The following GRIK2 variants were observed in gnomAD, a reference collection of about 807,000 sequenced individuals.
GRIK2 encodes the protein glutamate receptor ionotropic, kainate 2.
Under a neutral mutation model 100.3 loss-of-function variants are expected in GRIK2, and 32 were observed. That is an observed-to-expected ratio of 0.32 (90% CI 0.24 to 0.43). GRIK2 has a LOEUF of 0.43. GRIK2 is among the 20% of genes least tolerant of loss of function. The pLI is 1.00. For synonymous variants in GRIK2, 417 were observed against 389.4 expected (o/e 1.07, Z -0.83); for missense variants, 843 against 1,114.9 (o/e 0.76, Z 3.47).
chr6:101,399,564 T>C (rs1419518059), intron 2 of GRIK2, among the ~76,000 whole-genome samples, 172 bp downstream of exon 2: 3 of 152,240 alleles, frequency 2.0e-5, no homozygotes, highest in Middle Eastern at 3.4e-3. Flanking sequence ...TTCTCTTCTT[T>C]ATTTTTATTT....
At chr6:101,715,124 A>G (rs913126203) in intron 7 of GRIK2, among the ~76,000 whole-genome samples, 9 of 151,838 alleles carry the variant, frequency 5.9e-5, no homozygotes, top group African/African-American at 2.2e-4. Flanking sequence ...AGAAATGTTC[A>G]TAAAGATTAT....
intron 2 of GRIK2, among the ~76,000 whole-genome samples, chr6:101,496,537 T>C (rs951754110): frequency 6.6e-6 from 1 of 152,194 alleles, no homozygotes; most frequent in Non-Finnish European, 1.5e-5. Flanking sequence ...ATGCATGATA[T>C]ATATTTTGTC....
intron 14 of GRIK2, among the ~76,000 whole-genome samples, chr6:101,966,856 G>A (rs1049892027): frequency 6.6e-6 from 1 of 151,898 alleles, no homozygotes; most frequent in Non-Finnish European, 1.5e-5. Flanking sequence ...ATACTCTCCA[G>A]TACTTGTTAT....
rs755330153 is a variant in GRIK2, at chr6:101,909,386, T to TGTTTTTTTG, written c.1749-15215_1749-15214insGTTTTTTTG. 1.1e-4 allele frequency among the ~76,000 whole-genome samples: 15 copies of TGTTTTTTTG among 138,796 alleles called. 1 individual carries two copies. Among genetic ancestry groups the TGTTTTTTTG allele is most frequent in the Admixed American group, 5.7e-4 (8 of 13,944 alleles). The allele number at this position is 138,796 out of a possible 152,430, so 91.1% of individuals were successfully genotyped here. A position where few individuals can be genotyped will look rare whatever the true frequency, so the allele number is the denominator to read the frequency against. ...GGAAGATAGGGTTTTCTTTTTCTTTTTTTTTTTTTTAAAGATCATTTGGGA... is the reference window on the plus strand; with the variant it reads ...GGAAGATAGGGTTTTCTTTTTCTTTTGTTTTTTTGTTTTTTTTTTAAAGATCATTTGGGA... On this transcript the variant is annotated intron_variant, in intron 12 of 16. Coordinates refer to ENST00000369134, the MANE Select transcript of GRIK2 (RefSeq NM_021956.5).
chr6:101,541,728 G>T (rs925974804), intron 2 of GRIK2, among the ~76,000 whole-genome samples: 1 of 151,236 alleles, frequency 6.6e-6, no homozygotes, highest in South Asian at 2.1e-4. Context: ...AGATACGAGG[G>T]ATGCAATTTA....
chr6:101,955,122 T>A (rs1791833054), intron 14 of GRIK2, among the ~76,000 whole-genome samples: 1 of 152,216 alleles, frequency 6.6e-6, no homozygotes, highest in Admixed American at 6.5e-5. Context: ...TGATACATTT[T>A]GCATCTATAT....
intron 12 of GRIK2, among the ~76,000 whole-genome samples, chr6:101,899,310 A>G (rs1010873728): frequency 6.6e-6 from 1 of 151,856 alleles, no homozygotes; most frequent in Non-Finnish European, 1.5e-5. Flanking sequence ...ATGAAAATAT[A>G]AAGTTATCTC....
chr6:101,496,267 AAAAAT>A (rs1773440059), intron 2 of GRIK2, among the ~76,000 whole-genome samples: 2 of 151,972 alleles, frequency 1.3e-5, no homozygotes, highest in Admixed American at 6.6e-5. Flanking sequence ...CCTAAAGAAA[AAAAAT>A]AAAATAACAC....
chr6:101,453,702 T>C (rs905577672), intron 2 of GRIK2, among the ~76,000 whole-genome samples: 5 of 152,070 alleles, frequency 3.3e-5, no homozygotes, highest in Admixed American at 2.0e-4. Flanking sequence ...TTTCTTGAAA[T>C]GTCAATTGGA....
intron 14 of GRIK2, among the ~76,000 whole-genome samples, chr6:102,012,576 T>A (rs1317359744): frequency 6.6e-6 from 1 of 152,224 alleles, no homozygotes; most frequent in Non-Finnish European, 1.5e-5. Flanking sequence ...TTTTGTGAGA[T>A]TTATACCTAA....
intron 4 of GRIK2, among the ~76,000 whole-genome samples, chr6:101,667,450 T>C (rs558241418): frequency 6.6e-6 from 1 of 152,316 alleles, no homozygotes; most frequent in East Asian, 1.9e-4. Context: ...CACATGTACA[T>C]GTATTAAGTG....
intron 2 of GRIK2, among the ~76,000 whole-genome samples, chr6:101,546,886 A>C (rs1290845647): frequency 1.8e-5 from 2 of 113,910 alleles, no homozygotes; most frequent in African/African-American, 7.1e-5. Context: ...GCTGGAGTGC[A>C]GTGGCGGGAT....
intron 9 of GRIK2, among the ~76,000 whole-genome samples, chr6:101,813,907 T>C (rs1382640286): frequency 6.7e-6 from 1 of 150,360 alleles, no homozygotes; most frequent in East Asian, 2.0e-4. Flanking sequence ...GAGGTTGCAG[T>C]GAGCCGACAT....
At chr6:101,858,405 T>C (rs1472530741) in intron 10 of GRIK2, among the ~76,000 whole-genome samples, 1 of 148,150 alleles carries the variant, frequency 6.7e-6, no homozygotes, top group Non-Finnish European at 1.5e-5. Context: ...TTTTTTTTTT[T>C]GAGACGGAGT....
intron 4 of GRIK2, among the ~76,000 whole-genome samples, chr6:101,644,793 A>G (rs1358567240): frequency 3.3e-5 from 5 of 151,900 alleles, no homozygotes; most frequent in African/African-American, 4.8e-5. Flanking sequence ...GGTCTCAGGC[A>G]TAGAACAGAA....
chr6:101,884,348 G>T (rs932498357), intron 11 of GRIK2, among the ~76,000 whole-genome samples: 1 of 152,076 alleles, frequency 6.6e-6, no homozygotes, highest in Non-Finnish European at 1.5e-5. Flanking sequence ...ACAACGTTTA[G>T]AACTGATTTT....
intron 2 of GRIK2, among the ~76,000 whole-genome samples, chr6:101,409,133 TGTGTGTG>T: frequency 6.6e-6 from 1 of 151,596 alleles, no homozygotes; most frequent in East Asian, 1.9e-4. Context: ...TGTGTGTGTG[TGTGTGTG>T]TGTGTGTGTG....
intron 7 of GRIK2, among the ~76,000 whole-genome samples, chr6:101,780,696 C>T (rs1779030570): frequency 6.6e-6 from 1 of 151,988 alleles, no homozygotes; most frequent in African/African-American, 2.4e-5. Flanking sequence ...TGTTTTCTTC[C>T]ATTAAGAAAA....
chr6:101,495,867 C>T (rs1773415362), intron 2 of GRIK2, among the ~76,000 whole-genome samples: 2 of 150,762 alleles, frequency 1.3e-5, no homozygotes, highest in Non-Finnish European at 3.0e-5. Context: ...ATTTTCTTTC[C>T]TAAATCATAT....
Sources: allele counts gnomAD v4.1 joint callset (sites outside exome capture counted in the v4.1 genomes callset), GRCh38; gene constraint gnomAD v4.1.1; transcripts MANE v1.5; gene names NCBI Gene and HGNC (gene_info 2026-07-23, HGNC 2026-07-21).